Variants in RAB37 observed in about 807,000 individuals in gnomAD.
RAB37 encodes the protein ras-related protein Rab-37.
A neutral mutation model predicts 33.1 loss-of-function variants in RAB37; 29 were observed. The observed-to-expected ratio is 0.88, with a 90% confidence interval of 0.65 to 1.20. The LOEUF (loss-of-function observed/expected upper bound fraction) is 1.20. RAB37 is among the 50% of genes most tolerant of loss of function. The pLI is 0.00. For synonymous variants in RAB37, 128 were observed against 119.5 expected (o/e 1.07, Z -0.47); for missense variants, 299 against 301.1 (o/e 0.99, Z 0.05).
In RAB37 at chr17:74,746,143, C is replaced by T. The variant is rs573491914; in HGVS notation, c.*732C>T. The T allele has an allele frequency of 6.6e-6, 1 of 151,978 alleles. No individual in the cohort carries two copies. The highest frequency in any genetic ancestry group is 2.4e-5 in the African/African-American group (1 of 41,278). 9.4% of individuals were successfully genotyped at this position (151,978 alleles called of 1,614,324 possible). ...TCTGGACTTCAGATCCTGGGGGAGC[C>T]CCTCCCCCCCCTGAATCCCTGGCTT... is the stretch of plus-strand genomic sequence containing the variant. On this transcript the variant is annotated 3_prime_UTR_variant, in exon 9 of 9. Coordinates refer to ENST00000392613, the MANE Select transcript of RAB37 (RefSeq NM_001006638.3). The surrounding 1 kb of genome is among the most constrained non-coding windows in gnomAD (Gnocchi z 5.2).
In RAB37 at chr17:74,700,458, C is replaced by T. The variant is rs534866807; in HGVS notation, c.73-28798C>T. On this transcript the variant is annotated intron_variant, in intron 1 of 7. Coordinates refer to the RAB37 transcript ENST00000340415. ...TTCCAGTCTTTGCTCAAGAATCACT[C>T]GACTGAGCGCGGTGGCTTACACCTG... 1.3e-4 allele frequency among the ~76,000 whole-genome samples: 20 copies of T among 152,122 alleles called. No individual in the cohort carries two copies. In the South Asian group the frequency reaches 2.1e-3, roughly 16 times the overall value.
At chr17:74,673,361 C>A (rs2031749381) in intron 1 of RAB37, among the ~76,000 whole-genome samples, 1 of 150,978 alleles carries the variant, frequency 6.6e-6, no homozygotes, top group Admixed American at 6.6e-5. Context: ...CGAAATCACA[C>A]CACTGCACTC....
intron 1 of RAB37, among the ~76,000 whole-genome samples, chr17:74,723,575 CTTTT>C (rs35936012): frequency 1.5e-5 from 2 of 133,178 alleles, no homozygotes; most frequent in South Asian, 2.4e-4. Flanking sequence ...AATTAACTAA[CTTTT>C]TTTTTTTTTT....
intron 1 of RAB37, among the ~76,000 whole-genome samples, chr17:74,701,353 G>A (rs1422353211): frequency 6.6e-6 from 1 of 152,190 alleles, no homozygotes; most frequent in Admixed American, 6.5e-5. Flanking sequence ...ACAGTGACAG[G>A]CTAGAGTGAG....
rs57513588 is a variant in RAB37 at position 74,718,316 on chromosome 17, C to CATCATATCATATCATATCAT, written c.73-10911_73-10892dup. 6.2e-4 allele frequency among the ~76,000 whole-genome samples: 91 copies of CATCATATCATATCATATCAT among 147,702 alleles called. 1 individual carries two copies. The highest frequency in any genetic ancestry group is 2.1e-3 in the African/African-American group (84 of 39,942). ...CTCTAAAACATCATATCATATCATA[C>CATCATATCATATCATATCAT]ATCATATCATATCATATCATATCAT... On this transcript the variant is annotated intron_variant, in intron 1 of 7. Transcript: ENST00000340415.
At chr17:74,673,326 C>A (rs1286223203) in intron 1 of RAB37, among the ~76,000 whole-genome samples, 1 of 151,106 alleles carries the variant, frequency 6.6e-6, no homozygotes, top group Non-Finnish European at 1.5e-5. Context: ...TTGCTTGAGC[C>A]TGGGAGGCAG....
At chr17:74,672,253 C>G (rs928228580) in intron 1 of RAB37, among the ~76,000 whole-genome samples, 2 of 151,654 alleles carry the variant, frequency 1.3e-5, no homozygotes, top group Non-Finnish European at 2.9e-5. Context: ...CAGGTCTCCC[C>G]CTAAGATAGT....
At chr17:74,678,435 C>T (rs2031886927) in intron 1 of RAB37, among the ~76,000 whole-genome samples, 1 of 152,152 alleles carries the variant, frequency 6.6e-6, no homozygotes, top group African/African-American at 2.4e-5. Context: ...GGTTCCTGAC[C>T]TTGATTTCTA....
chr17:74,715,335 A>G (rs1356988446), intron 1 of RAB37, among the ~76,000 whole-genome samples: 1 of 152,184 alleles, frequency 6.6e-6, no homozygotes, highest in Non-Finnish European at 1.5e-5. Context: ...CTGATAAGCC[A>G]TGGCTTTTCC....
chr17:74,709,830 C>T (rs531714674), intron 1 of RAB37, among the ~76,000 whole-genome samples: 1 of 152,282 alleles, frequency 6.6e-6, no homozygotes, highest in South Asian at 2.1e-4. Context: ...GCCTTAGCCT[C>T]ACAAAGTGCT....
intron 1 of RAB37, among the ~76,000 whole-genome samples, chr17:74,696,903 T>TGTTTG (rs72122986): frequency 0.11 from 15,662 of 146,848 alleles, 1,015 homozygotes; most frequent in South Asian, 0.14. Context: ...GGACCGATTT[T>TGTTTG]GTTTGGTTTG....
At position 74,742,980 on chromosome 17, in the gene RAB37, T is replaced by C. The variant is rs1336391051; in HGVS notation, c.247-149T>C. The C allele has an allele frequency of 4.3e-6, 3 of 697,578 alleles. No individual in the cohort carries two copies. The highest frequency in any genetic ancestry group is 1.8e-5 in the African/African-American group (1 of 56,556). 43.2% of individuals were successfully genotyped at this position (697,578 alleles called of 1,614,324 possible). ...TCAGTAACTGCTACTGTCCAGGTCA[T>C]TGGATGCTCAGGGGCTCATGAGAAC... is the stretch of plus-strand genomic sequence containing the variant. On this transcript the variant is annotated intron_variant, in intron 3 of 8. Transcript: ENST00000392613. This position sits in a 1 kb window ranked among gnomAD's most constrained non-coding sequence, Gnocchi z 4.0.
chr17:74,695,002 G>A (rs1029945330), intron 1 of RAB37: 59 of 1,364,318 alleles, frequency 4.3e-5, no homozygotes, highest in South Asian at 9.8e-5. Context: ...ACCAGTCCCC[G>A]GGTTGGTCCT....
intron 1 of RAB37, chr17:74,694,531 T>G (rs1038175870): frequency 1.3e-5 from 2 of 152,260 alleles, no homozygotes; most frequent in Non-Finnish European, 2.9e-5. Flanking sequence ...ATCATCACTT[T>G]GTCTCTACCT....
At chr17:74,691,014 G>A (rs2032148051) in intron 1 of RAB37, among the ~76,000 whole-genome samples, 1 of 152,154 alleles carries the variant, frequency 6.6e-6, no homozygotes, top group South Asian at 2.1e-4. Context: ...GAACTCCAGG[G>A]CTCAACTGAT....
chr17:74,741,685 C>A (rs930348368), intron 2 of RAB37, among the ~76,000 whole-genome samples: 4 of 151,962 alleles, frequency 2.6e-5, no homozygotes, highest in African/African-American at 9.7e-5. Context: ...TACAAATCTG[C>A]ATCAGGGATG....
intron 1 of RAB37, among the ~76,000 whole-genome samples, chr17:74,684,295 A>G (rs1397102722): frequency 6.8e-6 from 1 of 146,408 alleles, no homozygotes; most frequent in African/African-American, 2.5e-5. Flanking sequence ...TAAAGATGGT[A>G]TTGGCCAGGC....
intron 1 of RAB37, chr17:74,696,197 G>A (rs138965736): frequency 6.2e-7 from 1 of 1,607,058 alleles, no homozygotes; most frequent in South Asian, 1.1e-5. Flanking sequence ...TATCTTACCT[G>A]CTCTGGGGAC....
chr17:74,686,348 C>T (rs1440568338), intron 1 of RAB37, among the ~76,000 whole-genome samples: 2 of 152,056 alleles, frequency 1.3e-5, no homozygotes, highest in African/African-American at 4.8e-5. Context: ...ACGCCTCAGC[C>T]TCCAAAAGTG....
Sources: gnomAD v4.1 joint callset for allele counts (sites outside exome capture counted in the v4.1 genomes callset) on GRCh38, gnomAD v4.1.1 for gene constraint, Gnocchi (gnomAD v3.1) non-coding constraint, MANE v1.5 for transcripts, NCBI Gene and HGNC (gene_info 2026-07-23, HGNC 2026-07-21) for gene names.